Variants in YAP1 observed in about 807,000 individuals in gnomAD.
YAP1 encodes transcriptional coactivator YAP1.
A neutral mutation model predicts 56.9 loss-of-function variants in YAP1; 5 were observed. The observed-to-expected ratio is 0.09, with a 90% CI of 0.05 to 0.18. The LOEUF (loss-of-function observed/expected upper bound fraction) is 0.18. Among genes scored for constraint, YAP1 ranks in the 10% least tolerant of loss-of-function variants. The pLI, the probability that YAP1 is intolerant of heterozygous loss-of-function variation, is 1.00. For synonymous variants in YAP1, 265 were observed against 248.1 expected (o/e 1.07, Z -0.64); for missense variants, 539 against 651.8 (o/e 0.83, Z 1.88).
chr11:102,225,069 A>G (rs1950128078), intron 7 of YAP1, among the ~76,000 whole-genome samples: 1 of 152,206 alleles, frequency 6.6e-6, no homozygotes, highest in African/African-American at 2.4e-5. Context: ...TGGGAAGATC[A>G]GAGTGGCAGA....
rs997602865 is a variant in YAP1, at chr11:102,172,215, T to C, written c.688+9644T>C. On this transcript the variant is annotated intron_variant, in intron 3 of 8. Coordinates refer to ENST00000282441, the MANE Select transcript of YAP1 (RefSeq NM_001130145.3). ...TCTCAAAAAAAAATAAAAGAAAAAG[T>C]TGTGGCAGATGTATGCACTGAGTGC... Among the ~76,000 whole-genome samples the C allele has an allele frequency of 2.0e-5, 3 of 147,984 alleles. No individual in the cohort carries two copies. In the Admixed American group the frequency reaches 2.0e-4, roughly 10 times the overall value.
At chr11:102,207,320 T>A in intron 5 of YAP1, among the ~76,000 whole-genome samples, 1 of 152,140 alleles carries the variant, frequency 6.6e-6, no homozygotes, top group Admixed American at 6.5e-5. Context: ...GATACTCTGT[T>A]TACATACATA....
intron 3 of YAP1, among the ~76,000 whole-genome samples, chr11:102,184,241 G>A (rs548408748): frequency 6.6e-6 from 1 of 152,202 alleles, no homozygotes; most frequent in African/African-American, 2.4e-5. Context: ...TTTTGCAAAA[G>A]CTTTTTATAA....
rs535943793 is a variant in YAP1, at chr11:102,135,538, C to A, written c.572+21144C>A. Reference sequence around the variant, plus strand: ...TGTGTACATGGCCTTTCTAGCATTGCGGTCTGAAGGCAGTTGGATTTCTTA... The same window carrying A: ...TGTGTACATGGCCTTTCTAGCATTGAGGTCTGAAGGCAGTTGGATTTCTTA... On this transcript the variant is annotated intron_variant, in intron 2 of 8. Transcript: ENST00000282441. Among the ~76,000 whole-genome samples the A allele has an allele frequency of 3.9e-5, 6 of 152,248 alleles. No individual in the cohort carries two copies. The East Asian group carries it at 1.2e-3, about 29-fold the overall frequency.
chr11:102,208,829 T>C (rs1237105334), intron 5 of YAP1, among the ~76,000 whole-genome samples: 1 of 152,216 alleles, frequency 6.6e-6, no homozygotes, highest in Non-Finnish European at 1.5e-5. Context: ...AGATAATTTG[T>C]AAAGTCTAGA....
At chr11:102,141,291 A>G (rs1175213721) in intron 2 of YAP1, among the ~76,000 whole-genome samples, 1 of 152,234 alleles carries the variant, frequency 6.6e-6, no homozygotes, top group Non-Finnish European at 1.5e-5. Flanking sequence ...ACCAAAAAGA[A>G]GTTGAGAACT....
chr11:102,112,608 T>G, intron 1 of YAP1: 3 of 985,284 alleles, frequency 3.0e-6, no homozygotes, highest in Non-Finnish European at 3.6e-6. Context: ...AGGCCTGTTG[T>G]ATAGTCTCCT....
intron 3 of YAP1, among the ~76,000 whole-genome samples, chr11:102,183,642 T>C (rs1473693105): frequency 6.6e-6 from 1 of 151,926 alleles, no homozygotes; most frequent in African/African-American, 2.4e-5. Context: ...GGTTGGTTTG[T>C]ATCCTAGGTA....
At chr11:102,143,721 C>T (rs1025528303) in intron 2 of YAP1, among the ~76,000 whole-genome samples, 5 of 152,184 alleles carry the variant, frequency 3.3e-5, no homozygotes, top group Non-Finnish European at 7.3e-5. Context: ...TATCTGAAAA[C>T]CAGTGTTTTA....
chr11:102,112,252 T>A (rs899305534), intron 1 of YAP1, among the ~76,000 whole-genome samples: 1 of 152,318 alleles, frequency 6.6e-6, no homozygotes, highest in South Asian at 2.1e-4. Context: ...TTTTAATTCT[T>A]ATTGCGGATA....
intron 2 of YAP1, among the ~76,000 whole-genome samples, chr11:102,149,805 C>CTGGAT (rs1489125911): frequency 3.9e-5 from 6 of 152,102 alleles, no homozygotes; most frequent in Non-Finnish European, 1.5e-5. Flanking sequence ...CAGTTGGAGA[C>CTGGAT]TGGATCTCCC....
At chr11:102,130,576 T>C (rs1234256255) in intron 2 of YAP1, among the ~76,000 whole-genome samples, 1 of 151,882 alleles carries the variant, frequency 6.6e-6, no homozygotes, top group Non-Finnish European at 1.5e-5. Context: ...CTAATTTTTG[T>C]GTCTTTAGTA....
At chr11:102,227,349 G>A (rs1025789441) in intron 7 of YAP1, 120 bp from the exon 8 acceptor site, 1 of 703,298 alleles carries the variant, frequency 1.4e-6, no homozygotes, top group Non-Finnish European at 2.5e-6. Context: ...GACATTGCAG[G>A]ACAGGAATTT....
Position 102,205,779 on chromosome 11 carries a change from C to T in YAP1, c.803-114C>T, listed in dbSNP as rs988071809. 1.7e-5 allele frequency: 18 copies of T among 1,029,664 alleles called. No homozygotes were observed. The African/African-American group carries it at 2.3e-4, about 13-fold the overall frequency. 63.8% of individuals were successfully genotyped at this position (1,029,664 alleles called of 1,614,324 possible). A position where few individuals can be genotyped will look rare whatever the true frequency, so the allele number is the denominator to read the frequency against. Reference sequence around the variant, plus strand: ...GGATTTTTAGGTTATTTCCAGTCTTCCTGCCCAAAAAAGTTACATCGAATA... The same window carrying T: ...GGATTTTTAGGTTATTTCCAGTCTTTCTGCCCAAAAAAGTTACATCGAATA... On this transcript the variant is annotated intron_variant, in intron 4 of 8. Coordinates refer to ENST00000282441, the MANE Select transcript of YAP1 (RefSeq NM_001130145.3).
chr11:102,139,420 C>A (rs1294131705), intron 2 of YAP1, among the ~76,000 whole-genome samples: 1 of 152,158 alleles, frequency 6.6e-6, no homozygotes, highest in Non-Finnish European at 1.5e-5. Flanking sequence ...AAGCCCCCAT[C>A]CTGCAGTCTG....
chr11:102,215,532 T>C (rs189459873), intron 6 of YAP1, among the ~76,000 whole-genome samples: 59 of 152,350 alleles, frequency 3.9e-4, no homozygotes, highest in African/African-American at 1.3e-3. Flanking sequence ...TGGAGTGCAA[T>C]GGCACGATCT....
At chr11:102,130,242 C>A (rs1400266085) in intron 2 of YAP1, among the ~76,000 whole-genome samples, 1 of 152,032 alleles carries the variant, frequency 6.6e-6, no homozygotes, top group Non-Finnish European at 1.5e-5. Flanking sequence ...AGAATTGGTA[C>A]ACCTTAGTTC....
intron 4 of YAP1, among the ~76,000 whole-genome samples, chr11:102,194,443 T>G (rs1948467962): frequency 6.6e-6 from 1 of 152,228 alleles, no homozygotes; most frequent in Admixed American, 6.5e-5. Flanking sequence ...TCCTGTGCAT[T>G]ACTAATAGCA....
At chr11:102,180,630 C>T (rs1427911053) in intron 3 of YAP1, among the ~76,000 whole-genome samples, 10 of 139,506 alleles carry the variant, frequency 7.2e-5, no homozygotes, top group African/African-American at 8.1e-5. Flanking sequence ...TGCAGTGAGC[C>T]GAGATCATGC....
Sources: gnomAD v4.1 joint callset for allele counts (sites outside exome capture counted in the v4.1 genomes callset) on GRCh38, gnomAD v4.1.1 for gene constraint, MANE v1.5 for transcripts, NCBI Gene and HGNC (gene_info 2026-07-23, HGNC 2026-07-21) for gene names.